INPP5A: variants seen among roughly 807,000 people sequenced by gnomAD.
INPP5A encodes the protein 43 kDa inositol polyphosphate 5-phophatase.
A neutral mutation model predicts 65.2 loss-of-function variants in INPP5A; 14 were observed. That is an observed-to-expected ratio of 0.21 (90% CI 0.14 to 0.34). The LOEUF is 0.34. Among genes scored for constraint, INPP5A ranks in the 10% least tolerant of loss-of-function variants. INPP5A has a pLI of 1.00. For synonymous variants in INPP5A, 207 were observed against 208.3 expected, an observed-to-expected ratio of 0.99 and a Z score of 0.05; for missense variants, 431 against 545.6, an observed-to-expected ratio of 0.79 and a Z score of 2.09.
intron 4 of INPP5A, among the ~76,000 whole-genome samples, chr10:132,653,675 A>G (rs2072610931): frequency 1.3e-5 from 2 of 152,266 alleles, no homozygotes; most frequent in African/African-American, 4.8e-5. Context: ...AAAGTCTCAA[A>G]TATTTGGAAA....
chr10:132,742,798 G>A (rs573541705), intron 9 of INPP5A, among the ~76,000 whole-genome samples: 1 of 152,336 alleles, frequency 6.6e-6, no homozygotes, highest in South Asian at 2.1e-4. Context: ...CATGATGCCG[G>A]TTTGGTTCTC....
chr10:132,670,843 C>CTTTTTT (rs11289296), intron 4 of INPP5A, among the ~76,000 whole-genome samples: 1 of 117,020 alleles, frequency 8.5e-6, no homozygotes, highest in Non-Finnish European at 1.7e-5. Context: ...GTCTTTCTTT[C>CTTTTTT]TTTTTTTTTT....
At chr10:132,713,606 C>T (rs1845688921) in intron 8 of INPP5A, among the ~76,000 whole-genome samples, 1 of 152,178 alleles carries the variant, frequency 6.6e-6, no homozygotes, top group South Asian at 2.1e-4. Context: ...TGACCTCCGT[C>T]TCCAGAGTGA....
intron 11 of INPP5A, among the ~76,000 whole-genome samples, chr10:132,764,427 T>G (rs183633066): frequency 2.7e-5 from 4 of 148,184 alleles, no homozygotes; most frequent in East Asian, 2.0e-4. Context: ...GTCGGGTCAG[T>G]CCTGCTGCGG....
chr10:132,680,108 G>T (rs2073022682), intron 4 of INPP5A, among the ~76,000 whole-genome samples: 1 of 152,182 alleles, frequency 6.6e-6, no homozygotes. Flanking sequence ...AAATTGGACT[G>T]CATTAAAACA....
chr10:132,620,590 G>T (rs1312011120), intron 2 of INPP5A, among the ~76,000 whole-genome samples: 2 of 152,060 alleles, frequency 1.3e-5, no homozygotes, highest in South Asian at 2.1e-4. Context: ...CATATCATGG[G>T]TTATGGGAAT....
intron 2 of INPP5A, among the ~76,000 whole-genome samples, chr10:132,623,458 G>T (rs767050013): frequency 6.6e-6 from 1 of 151,264 alleles, no homozygotes; most frequent in Non-Finnish European, 1.5e-5. Context: ...AAAAAGTTGA[G>T]AATTTTAATA....
At chr10:132,769,127 G>A (rs146543915) in intron 12 of INPP5A, among the ~76,000 whole-genome samples, 30 of 152,358 alleles carry the variant, frequency 2.0e-4, no homozygotes, top group African/African-American at 6.7e-4. Flanking sequence ...GAAGACCAGC[G>A]GGGTCTTCTC....
rs373294346 is a variant in INPP5A, at chr10:132,575,909, C to T, written c.76-32006C>T. Among the ~76,000 whole-genome samples, 82 of 152,300 alleles carry T rather than the reference C, an allele frequency of 5.4e-4. No homozygotes were observed. Among genetic ancestry groups the T allele is most frequent in the African/African-American group, 1.8e-3 (74 of 41,562 alleles). ...GACCTGCTTGATGCCACTGACATCG[C>T]GGCTCTTGTGGACTGTGGAGCTGGT... On this transcript the variant is annotated intron_variant, in intron 1 of 15. Coordinates refer to ENST00000368594, the MANE Select transcript of INPP5A (RefSeq NM_005539.5). This position sits in a 1 kb window ranked among gnomAD's most constrained non-coding sequence, Gnocchi z 5.4.
In INPP5A at chr10:132,555,556, G is replaced by A. The variant is rs1165190509; in HGVS notation, c.75+17385G>A. The stretch of plus-strand genomic sequence containing the variant: ...CGGGGTGACCAGGAGCCTCTGGACA[G>A]TGGGGCCGTCCTGACTCGCCTCCTG... On this transcript the variant is annotated intron_variant, in intron 1 of 15. Coordinates refer to ENST00000368594, the MANE Select transcript of INPP5A (RefSeq NM_005539.5). The surrounding 1 kb of genome is among the most constrained non-coding windows in gnomAD (Gnocchi z 4.4). Among the ~76,000 whole-genome samples, 1 of 152,194 alleles carries A rather than the reference G, an allele frequency of 6.6e-6. No individual in the cohort carries two copies. Among genetic ancestry groups the A allele is most frequent in the East Asian group, 1.9e-4 (1 of 5,202 alleles).
At chr10:132,608,327 G>T (rs532597199) in intron 2 of INPP5A, among the ~76,000 whole-genome samples, 3 of 152,272 alleles carry the variant, frequency 2.0e-5, no homozygotes, top group Non-Finnish European at 4.4e-5. Flanking sequence ...ACCAGGTCCG[G>T]TCCGTGCAGC....
rs994570409 is a variant in INPP5A, at chr10:132,551,967, C to G, written c.75+13796C>G. Among the ~76,000 whole-genome samples, 21 of 152,264 alleles carry G rather than the reference C, an allele frequency of 1.4e-4. No individual in the cohort carries two copies. The highest frequency in any genetic ancestry group is 5.1e-4 in the African/African-American group (21 of 41,464). ...CCAGGTGTCCTCTGATTCTGCTGTG[C>G]TGAGTCTGTTGGTGGAGCAGGAGGC... On this transcript the variant is annotated intron_variant, in intron 1 of 15. Transcript: ENST00000368594. This position sits in a 1 kb window ranked among gnomAD's most constrained non-coding sequence, Gnocchi z 5.3.
chr10:132,660,816 C>T (rs540131379), intron 4 of INPP5A, among the ~76,000 whole-genome samples: 8 of 152,330 alleles, frequency 5.3e-5, no homozygotes, highest in Admixed American at 2.6e-4. Context: ...TTGTTTCAAA[C>T]GTAGAGTCCT....
chr10:132,541,500 G>A (rs2133239685), intron 1 of INPP5A, among the ~76,000 whole-genome samples: 1 of 152,328 alleles, frequency 6.6e-6, no homozygotes, highest in Admixed American at 6.5e-5. Context: ...CAGTGTACCG[G>A]TCCCCAAGCC....
At chr10:132,696,812 A>T (rs1845351678) in intron 5 of INPP5A, among the ~76,000 whole-genome samples, 1 of 151,906 alleles carries the variant, frequency 6.6e-6, no homozygotes, top group South Asian at 2.1e-4. Flanking sequence ...AGGTCAGACC[A>T]CAGCACCCAG....
intron 1 of INPP5A, among the ~76,000 whole-genome samples, chr10:132,541,547 G>A (rs533363432): frequency 3.3e-5 from 5 of 152,290 alleles, no homozygotes; most frequent in African/African-American, 1.2e-4. Flanking sequence ...TGGAGGACCC[G>A]AAAGAGTTCT....
intron 11 of INPP5A, among the ~76,000 whole-genome samples, chr10:132,755,076 CAT>C (rs996417487): frequency 9.3e-5 from 14 of 150,896 alleles, no homozygotes; most frequent in South Asian, 2.1e-4. Context: ...TGTGTGTGAT[CAT>C]ATGTGCATAT....
rs1213749902 is a variant in INPP5A, at chr10:132,782,129, G to T, written c.*100G>T. ...CTCTTGAAAGCTGCATCGAGAACCC[G>T]CCCAAGCGCCACCTGCTAGACGGCC... On this transcript the variant is annotated 3_prime_UTR_variant, in exon 16 of 16. Transcript: ENST00000368594. This position sits in a 1 kb window ranked among gnomAD's most constrained non-coding sequence, Gnocchi z 4.4. 1 of 1,525,926 alleles carries T rather than the reference G, an allele frequency of 6.6e-7. No homozygotes were observed. 94.5% of individuals were successfully genotyped at this position (1,525,926 alleles called of 1,614,324 possible).
chr10:132,758,169 C>A (rs1220615230), intron 11 of INPP5A, among the ~76,000 whole-genome samples: 27 of 105,070 alleles, frequency 2.6e-4, no homozygotes, highest in Non-Finnish European at 3.9e-4. Flanking sequence ...GACCCCACAC[C>A]CATAGCCCGG....
Sources: allele counts gnomAD v4.1 joint callset (sites outside exome capture counted in the v4.1 genomes callset), GRCh38; gene constraint gnomAD v4.1.1; non-coding constraint Gnocchi (gnomAD v3.1); transcripts MANE v1.5; gene names NCBI Gene and HGNC (gene_info 2026-07-23, HGNC 2026-07-21).